Variants in ARFGEF2 observed in about 807,000 individuals in gnomAD.
The protein encoded by ARFGEF2 is brefeldin A-inhibited guanine nucleotide-exchange protein 2.
In ARFGEF2, 74 loss-of-function variants were observed where a neutral mutation model predicts 219.9. The observed-to-expected ratio is 0.34, with a 90% CI of 0.28 to 0.41. The LOEUF (loss-of-function observed/expected upper bound fraction) is 0.41. Among genes scored for constraint, ARFGEF2 ranks in the 10% least tolerant of loss-of-function variants. ARFGEF2 has a pLI of 1.00. For missense variants in ARFGEF2, 1,743 were observed against 2,218.3 expected, an observed-to-expected ratio of 0.79 and a Z score of 4.30; for synonymous variants, 733 against 799.2, an observed-to-expected ratio of 0.92 and a Z score of 1.40.
rs750196541 is a variant in ARFGEF2, at chr20:48,974,868, A to G, written c.1768A>G (p.Ser590Gly). ...GTATGTGAATCCCAACCACCAGACC[A>G]GCCTCGGTGAGACAGCATTGCTGCC... ...DLYVNPNHQT[S>G]LGQERLTDQE... Residue 590 changes from serine (S) to glycine (G), a missense_variant, in exon 13 of 39, where the codon AGC becomes GGC. This residue lies in a region of ARFGEF2 where 666 missense variants were observed against 955.4 expected (regional missense o/e 0.70). Transcript: ENST00000371917. 1 of 1,613,100 alleles carries G rather than the reference A, an allele frequency of 6.2e-7. No homozygotes were observed. The highest frequency in any genetic ancestry group is 8.5e-7 in the Non-Finnish European group (1 of 1,179,466).
chr20:48,952,882 G>C lies in ARFGEF2; in HGVS notation c.601G>C (p.Val201Leu). 6.2e-7 allele frequency: 1 copy of C among 1,614,248 alleles called. No individual in the cohort carries two copies. ...NVIFTRMENQ[V>L]LQEARELEKP... ...CATTTTCACCCGCATGGAAAACCAAGTGGTGAGTGACAGCACTTACGTGCT... is the reference window on the plus strand; with the variant it reads ...CATTTTCACCCGCATGGAAAACCAACTGGTGAGTGACAGCACTTACGTGCT... The change falls in exon 5 of 39, where the codon GTG becomes CTG. Residue 201 changes from valine (V) to leucine (L), a missense_variant and splice_region_variant. Around this residue, in one of 5 missense-constraint regions of ARFGEF2, gnomAD observed 394 missense variants for 426.6 expected, o/e 0.92. Transcript: ENST00000371917.
intron 1 of ARFGEF2, among the ~76,000 whole-genome samples, chr20:48,924,510 TCA>T (rs2090864066): frequency 3.1e-5 from 1 of 32,008 alleles, no homozygotes; most frequent in Admixed American, 4.9e-4. Context: ...AGACTCTGTC[TCA>T]AAAAAAAAAA....
chr20:48,945,771 G>A (rs537322385), intron 3 of ARFGEF2, among the ~76,000 whole-genome samples: 3 of 152,338 alleles, frequency 2.0e-5, no homozygotes, highest in African/African-American at 7.2e-5. Flanking sequence ...GGCAGAGGCA[G>A]GAGAATTGCT....
chr20:49,035,176 A>G lies in ARFGEF2; in HGVS notation c.*1977A>G, dbSNP rs1056008510. On this transcript the variant is annotated 3_prime_UTR_variant, in exon 39 of 39. Coordinates refer to ENST00000371917, the MANE Select transcript of ARFGEF2 (RefSeq NM_006420.3). Reference sequence around the variant, plus strand: ...CATTAAGTCCATCTTGCGTGCAGCTATATCCCTGATTGGTTATTTTTCCTT... The same window carrying G: ...CATTAAGTCCATCTTGCGTGCAGCTGTATCCCTGATTGGTTATTTTTCCTT... 6.6e-5 allele frequency: 10 copies of G among 152,198 alleles called. No individual in the cohort carries two copies. Among genetic ancestry groups the G allele is most frequent in the African/African-American group, 2.4e-4 (10 of 41,454 alleles). The allele number at this position is 152,198 out of a possible 1,614,324, so 9.4% of individuals were successfully genotyped here.
intron 16 of ARFGEF2, among the ~76,000 whole-genome samples, chr20:48,988,031 A>C (rs968031746): frequency 2.0e-5 from 3 of 152,076 alleles, no homozygotes; most frequent in Admixed American, 1.3e-4. Context: ...CAGGTGATCC[A>C]CCCATCTCGG....
chr20:48,971,606 A>T (rs1271887985), intron 10 of ARFGEF2, among the ~76,000 whole-genome samples: 1 of 152,212 alleles, frequency 6.6e-6, no homozygotes, highest in African/African-American at 2.4e-5. Flanking sequence ...TTTTATAAAA[A>T]GTTACTGCCC....
intron 1 of ARFGEF2, among the ~76,000 whole-genome samples, chr20:48,926,760 C>T (rs370109445): frequency 6.6e-6 from 1 of 152,082 alleles, no homozygotes; most frequent in South Asian, 2.1e-4. Context: ...GTTATTAATT[C>T]TGGATTGTGA....
intron 3 of ARFGEF2, among the ~76,000 whole-genome samples, chr20:48,947,416 G>A (rs928480207): frequency 2.0e-5 from 3 of 150,662 alleles, no homozygotes; most frequent in African/African-American, 7.3e-5. Context: ...TTAAAATAAA[G>A]TTATGGGTTG....
At chr20:49,031,690 C>G (rs565333364) in intron 37 of ARFGEF2, among the ~76,000 whole-genome samples, 1 of 152,156 alleles carries the variant, frequency 6.6e-6, no homozygotes, top group African/African-American at 2.4e-5. Context: ...CCAAGGCAGA[C>G]AGATTGCTGA....
chr20:49,002,563 G>A (rs1194029748), intron 25 of ARFGEF2, among the ~76,000 whole-genome samples: 2 of 152,136 alleles, frequency 1.3e-5, no homozygotes, highest in African/African-American at 4.8e-5. Flanking sequence ...GTTCATCTGT[G>A]TTGTAGCGTG....
chr20:48,938,197 C>A (rs1442771696), intron 1 of ARFGEF2, among the ~76,000 whole-genome samples: 1 of 152,098 alleles, frequency 6.6e-6, no homozygotes, highest in Non-Finnish European at 1.5e-5. Context: ...CCTCTGGCTC[C>A]TTAGTTCTTT....
At chr20:48,944,791 G>A (rs1204597947) in intron 3 of ARFGEF2, among the ~76,000 whole-genome samples, 1 of 152,054 alleles carries the variant, frequency 6.6e-6, no homozygotes, top group Non-Finnish European at 1.5e-5. Context: ...TTGACTCTGT[G>A]TCTGTGTTCT....
intron 25 of ARFGEF2, among the ~76,000 whole-genome samples, chr20:48,999,609 T>G (rs1340759552): frequency 1.3e-5 from 2 of 151,834 alleles, no homozygotes; most frequent in African/African-American, 4.8e-5. Context: ...TAGCCCGGCG[T>G]GGTGGCGAGC....
chr20:48,971,205 G>C lies in ARFGEF2; in HGVS notation c.1276G>C (p.Glu426Gln), dbSNP rs566630105. The change falls in exon 10 of 39, where the codon GAG becomes CAG. Residue 426 changes from glutamate to glutamine, a missense_variant. Coordinates refer to ENST00000371917, the MANE Select transcript of ARFGEF2 (RefSeq NM_006420.3). ...QNAGPVFRTH[E>Q]MFINAIKQYL... Reference sequence around the variant, plus strand: ...TGCTGGCCCCGTATTCAGGACTCACGAGATGTTCATCAATGCAATCAAGCA... The same window carrying C: ...TGCTGGCCCCGTATTCAGGACTCACCAGATGTTCATCAATGCAATCAAGCA... 1.9e-6 allele frequency: 3 copies of C among 1,614,058 alleles called. No homozygotes were observed. The highest frequency in any genetic ancestry group is 2.5e-6 in the Non-Finnish European group (3 of 1,180,026).
At position 49,028,683 on chromosome 20, in the gene ARFGEF2, T is replaced by A; in HGVS notation, c.5063+15T>A. On this transcript the variant is annotated intron_variant, in intron 37 of 38. Transcript: ENST00000371917. ...AGACTTTTAACGTAAGAAAATTAGT[T>A]TCTGATTAGATTTCTATCTGCTATA... 1 of 1,612,554 alleles carries A rather than the reference T, an allele frequency of 6.2e-7. No individual in the cohort carries two copies. Among genetic ancestry groups the A allele is most frequent in the Non-Finnish European group, 8.5e-7 (1 of 1,178,970 alleles).
rs2091184754 is a variant in ARFGEF2, at chr20:48,965,993, C to T, written c.1029C>T (p.Asp343=). 3 of 1,614,010 alleles carry T rather than the reference C, an allele frequency of 1.9e-6. No homozygotes were observed. The highest frequency in any genetic ancestry group is 2.2e-5 in the South Asian group (2 of 91,086). ...CACAGACCAACGGGATAGCCGATGA[C>T]AGGCAGTCCTTGTCGTCAGCAGATA... is the stretch of plus-strand genomic sequence containing the variant. ...ENSQTNGIAD[D]RQSLSSADNL... Residue 343 remains aspartate, a synonymous_variant, in exon 8 of 39, where the codon GAC becomes GAT. Coordinates refer to ENST00000371917, the MANE Select transcript of ARFGEF2 (RefSeq NM_006420.3).
At chr20:48,974,392 G>A (rs967396192) in intron 12 of ARFGEF2, among the ~76,000 whole-genome samples, 45 of 152,134 alleles carry the variant, frequency 3.0e-4, no homozygotes, top group African/African-American at 6.5e-4. Context: ...GATTACAGGC[G>A]TGAGCCACAG....
intron 31 of ARFGEF2, among the ~76,000 whole-genome samples, chr20:49,017,014 T>C (rs2091534953): frequency 6.6e-6 from 1 of 152,222 alleles, no homozygotes; most frequent in Admixed American, 6.5e-5. Flanking sequence ...CCACTTAATT[T>C]AAAGTAGCAA....
chr20:48,960,052 G>A (rs2091136498), intron 6 of ARFGEF2, among the ~76,000 whole-genome samples: 1 of 152,144 alleles, frequency 6.6e-6, no homozygotes, highest in African/African-American at 2.4e-5. Flanking sequence ...TTAACAACAG[G>A]GATACGTTCT....
Sources: allele counts gnomAD v4.1 joint callset (sites outside exome capture counted in the v4.1 genomes callset), GRCh38; gene constraint gnomAD v4.1.1; regional missense constraint gnomAD v4.1.1; transcripts MANE v1.5; gene names NCBI Gene and HGNC (gene_info 2026-07-23, HGNC 2026-07-21).